Variants in TPP2 observed in about 807,000 individuals in gnomAD.
The protein encoded by TPP2 is tripeptidyl peptidase 2, also known as tripeptidyl-peptidase 2.
A neutral mutation model predicts 155.9 loss-of-function variants in TPP2; 34 were observed. That is an observed-to-expected ratio of 0.22 (90% CI 0.17 to 0.29). The LOEUF is 0.29. Among genes scored for constraint, TPP2 ranks in the 10% least tolerant of loss-of-function variants. The pLI is 1.00. For synonymous variants in TPP2, 510 were observed against 529.4 expected (o/e 0.96, Z 0.50); for missense variants, 1,028 against 1,522.3 (o/e 0.68, Z 5.40).
intron 24 of TPP2, among the ~76,000 whole-genome samples, chr13:102,652,174 GAA>G: frequency 6.6e-6 from 1 of 152,146 alleles, no homozygotes; most frequent in South Asian, 2.1e-4. Flanking sequence ...TCAGCGGTTT[GAA>G]ACCAGCCTGG....
chr13:102,625,191 G>A (rs1213822764), intron 6 of TPP2, among the ~76,000 whole-genome samples: 1 of 119,018 alleles, frequency 8.4e-6, no homozygotes, highest in Non-Finnish European at 1.7e-5. Context: ...TTGAGACAGA[G>A]TCTCGCTCTG....
rs1300508382 is a variant in TPP2, at chr13:102,674,470, A to G, written c.3559A>G (p.Thr1187Ala). The change falls in exon 28 of 30, where the codon ACT (threonine) becomes GCT (alanine). Residue 1187 changes from threonine to alanine, a missense_variant. This residue lies in a region of TPP2 where 116 missense variants were observed against 117.3 expected (regional missense o/e 0.99). Coordinates refer to ENST00000376052, the MANE Select transcript of TPP2 (RefSeq NM_001330588.2). ...AACATTTTGGGAAACTACTAAATGGACTGATCTCTTTGACAATAAGGTAAC... is the reference window on the plus strand; with the variant it reads ...AACATTTTGGGAAACTACTAAATGGGCTGATCTCTTTGACAATAAGGTAAC... ...AETFWETTKW[T>A]DLFDNKVLTF... 2.5e-6 allele frequency: 4 copies of G among 1,613,626 alleles called. No homozygotes were observed. In the East Asian group the frequency reaches 8.9e-5, roughly 36 times the overall value.
At chr13:102,659,820 A>G (rs1159382801) in intron 25 of TPP2, among the ~76,000 whole-genome samples, 2 of 152,240 alleles carry the variant, frequency 1.3e-5, no homozygotes, top group African/African-American at 4.8e-5. Context: ...AAGACAGCAT[A>G]AAGTTCTCAT....
At chr13:102,597,242 G>A (rs1331472182) in intron 1 of TPP2, 39 bp downstream of exon 1, 2 of 1,241,054 alleles carry the variant, frequency 1.6e-6, no homozygotes, top group Non-Finnish European at 1.0e-6. Flanking sequence ...GGGGGCGCGG[G>A]CGGCCGGGGA....
chr13:102,653,693 G>A (rs1454158638), intron 24 of TPP2, among the ~76,000 whole-genome samples: 1 of 152,208 alleles, frequency 6.6e-6, no homozygotes, highest in Non-Finnish European at 1.5e-5. Context: ...ACTGCACCCA[G>A]CCTGAATATT....
chr13:102,612,620 A>G (rs1880407555), intron 2 of TPP2, among the ~76,000 whole-genome samples: 1 of 152,210 alleles, frequency 6.6e-6, no homozygotes, highest in South Asian at 2.1e-4. Flanking sequence ...TAGATCAGAT[A>G]GCCCAGATTA....
intron 7 of TPP2, 135 bp downstream of exon 7, chr13:102,627,301 A>G: frequency 1.6e-6 from 1 of 636,720 alleles, no homozygotes; most frequent in Non-Finnish European, 2.2e-6. Context: ...ACAAAGCAAA[A>G]ATATTTACTA....
At chr13:102,613,597 T>C (rs1279004378) in intron 2 of TPP2, among the ~76,000 whole-genome samples, 1 of 152,208 alleles carries the variant, frequency 6.6e-6, no homozygotes, top group African/African-American at 2.4e-5. Context: ...GAGCCAGATT[T>C]ATCTGACTTT....
Position 102,657,156 on chromosome 13 carries a change from A to G in TPP2, c.3092A>G (p.Lys1031Arg). 1 of 1,598,694 alleles carries G rather than the reference A, an allele frequency of 6.3e-7. No individual in the cohort carries two copies. The highest frequency in any genetic ancestry group is 8.5e-7 in the Non-Finnish European group (1 of 1,176,174). ...EKDSEKEKDL[K>R]EEFTEALRDL... ...GATTCAGAAAAAGAGAAAGATTTAAAAGAAGAGTTTACTGAAGCATTACGA... is the reference window on the plus strand; with the variant it reads ...GATTCAGAAAAAGAGAAAGATTTAAGAGAAGAGTTTACTGAAGCATTACGA... Residue 1031 changes from lysine (K) to arginine (R), a missense_variant, in exon 25 of 30, where the codon AAA (lysine) becomes AGA (arginine). Coordinates refer to ENST00000376052, the MANE Select transcript of TPP2 (RefSeq NM_001330588.2).
intron 27 of TPP2, among the ~76,000 whole-genome samples, chr13:102,672,877 G>A (rs138985837): frequency 6.6e-6 from 1 of 152,154 alleles, no homozygotes; most frequent in East Asian, 1.9e-4. Context: ...CTACAAAAAG[G>A]CAGTGAAAGT....
At chr13:102,639,660 CAG>C (rs150783328) in intron 15 of TPP2, among the ~76,000 whole-genome samples, 75,026 of 151,794 alleles carry the variant, frequency 0.49, 18,927 homozygotes, top group African/African-American at 0.6. Flanking sequence ...CTCCTAATAA[CAG>C]GGCCTCATGT....
At chr13:102,678,161 T>C in intron 29 of TPP2, 66 bp from the exon 30 acceptor site, 2 of 1,442,946 alleles carry the variant, frequency 1.4e-6, no homozygotes, top group Admixed American at 3.8e-5. Context: ...CAGAATTTAT[T>C]CTAAATACTG....
intron 1 of TPP2, among the ~76,000 whole-genome samples, chr13:102,602,758 C>G (rs1029636061): frequency 4.6e-5 from 7 of 152,150 alleles, no homozygotes; most frequent in African/African-American, 1.2e-4. Context: ...CAGAAAGACC[C>G]AGAGCAGTGG....
chr13:102,647,572 G>A (rs1257113342), intron 21 of TPP2, among the ~76,000 whole-genome samples: 1 of 152,176 alleles, frequency 6.6e-6, no homozygotes, highest in Non-Finnish European at 1.5e-5. Flanking sequence ...GGACAAGGGT[G>A]AACCTTGCCC....
At chr13:102,633,266 C>A (rs954784625) in intron 10 of TPP2, among the ~76,000 whole-genome samples, 4 of 152,248 alleles carry the variant, frequency 2.6e-5, no homozygotes, top group African/African-American at 9.6e-5. Context: ...GCTGGACAGT[C>A]CTGTTAGACT....
chr13:102,601,392 C>T (rs1194998110), intron 1 of TPP2, among the ~76,000 whole-genome samples: 1 of 152,154 alleles, frequency 6.6e-6, no homozygotes, highest in Non-Finnish European at 1.5e-5. Context: ...AAATGTCCTA[C>T]CTTTTGTTCT....
At chr13:102,666,822 TGAC>T (rs1418099008) in intron 27 of TPP2, among the ~76,000 whole-genome samples, 2 of 137,784 alleles carry the variant, frequency 1.5e-5, no homozygotes, top group Non-Finnish European at 3.1e-5. Context: ...TACTAGACAT[TGAC>T]TATCATGGCT....
chr13:102,632,928 A>C (rs1188111942), intron 10 of TPP2, among the ~76,000 whole-genome samples: 1 of 152,194 alleles, frequency 6.6e-6, no homozygotes, highest in Admixed American at 6.5e-5. Context: ...TAATTGTTCT[A>C]AGATGGTTCC....
chr13:102,614,273 A>G, intron 3 of TPP2, 77 bp downstream of exon 3: 3 of 1,263,204 alleles, frequency 2.4e-6, no homozygotes, highest in Non-Finnish European at 3.3e-6. Flanking sequence ...CTACTGAAGA[A>G]AAAGAAATAT....
Sources: gnomAD v4.1 joint callset for allele counts (sites outside exome capture counted in the v4.1 genomes callset) on GRCh38, gnomAD v4.1.1 for gene constraint, gnomAD v4.1.1 regional missense constraint, MANE v1.5 for transcripts, NCBI Gene and HGNC (gene_info 2026-07-23, HGNC 2026-07-21) for gene names.